MAML2: variants seen among roughly 807,000 people sequenced by gnomAD.
MAML2 encodes mastermind-like protein 2.
MAML2 carries 22 observed loss-of-function variants against 96.1 expected under a neutral mutation model. The observed-to-expected ratio is 0.23, with a 90% CI of 0.16 to 0.33. The LOEUF (loss-of-function observed/expected upper bound fraction) is 0.33, where lower values mean the gene tolerates loss of function less well. Ranked by LOEUF, MAML2 falls within the 10% of genes least tolerant of loss-of-function variation. The pLI is 1.00. For synonymous variants in MAML2, 561 were observed against 521.3 expected, an observed-to-expected ratio of 1.08 and a Z score of -1.04; for missense variants, 1,367 against 1,392.4, an observed-to-expected ratio of 0.98 and a Z score of 0.29.
At chr11:96,188,344 C>T (rs991538094) in intron 1 of MAML2, among the ~76,000 whole-genome samples, 1 of 152,194 alleles carries the variant, frequency 6.6e-6, no homozygotes, top group Non-Finnish European at 1.5e-5. Context: ...GGAAAGCCAA[C>T]ACATCTCTCT....
At chr11:96,221,178 A>C (rs1056912110) in intron 1 of MAML2, among the ~76,000 whole-genome samples, 2 of 152,202 alleles carry the variant, frequency 1.3e-5, no homozygotes, top group African/African-American at 4.8e-5. Flanking sequence ...CAGTGACATA[A>C]ACTGGAAGTT....
intron 2 of MAML2, among the ~76,000 whole-genome samples, chr11:96,049,954 TAAG>T (rs1396226419): frequency 6.6e-6 from 1 of 152,200 alleles, no homozygotes; most frequent in African/African-American, 2.4e-5. Flanking sequence ...GCTACTCACT[TAAG>T]TAGATCAAAC....
intron 1 of MAML2, among the ~76,000 whole-genome samples, chr11:96,166,169 TCTCTCTCTCA>T (rs1275792771): frequency 7.7e-5 from 9 of 116,884 alleles, no homozygotes; most frequent in Non-Finnish European, 1.1e-4. Context: ...TCTCTCTCTC[TCTCTCTCTCA>T]CACACACACA....
rs755510000 is a variant in MAML2, at chr11:96,041,320, CT to C, written c.2140-49598del. ...AGCCTGGCCAACATAGTGAAACCCCCTCTCTACTAAAAATACAAAAAAAAAA... is the reference window on the plus strand; with the variant it reads ...AGCCTGGCCAACATAGTGAAACCCCCCTCTACTAAAAATACAAAAAAAAAA... On this transcript the variant is annotated intron_variant, in intron 2 of 4. Transcript: ENST00000524717. 4.1e-5 allele frequency among the ~76,000 whole-genome samples: 6 copies of C among 147,048 alleles called. No homozygotes were observed. In the South Asian group the frequency reaches 1.3e-3, roughly 32 times the overall value.
intron 1 of MAML2, among the ~76,000 whole-genome samples, chr11:96,297,092 C>T (rs1385935603): frequency 6.6e-6 from 1 of 152,084 alleles, no homozygotes; most frequent in Non-Finnish European, 1.5e-5. Flanking sequence ...TCATTGACCT[C>T]AATGACCACT....
At chr11:95,994,248 T>C (rs1203783336) in intron 2 of MAML2, among the ~76,000 whole-genome samples, 1 of 152,082 alleles carries the variant, frequency 6.6e-6, no homozygotes, top group African/African-American at 2.4e-5. Context: ...CACTAGTTAG[T>C]AAAAAATAAT....
chr11:96,297,540 A>G (rs1228963657), intron 1 of MAML2, among the ~76,000 whole-genome samples: 1 of 152,192 alleles, frequency 6.6e-6, no homozygotes, highest in Non-Finnish European at 1.5e-5. Flanking sequence ...ACGCCACTGC[A>G]CTATAGCCTG....
intron 1 of MAML2, among the ~76,000 whole-genome samples, chr11:96,337,038 T>G (rs1049641304): frequency 1.3e-5 from 2 of 152,220 alleles, no homozygotes; most frequent in Non-Finnish European, 2.9e-5. Context: ...TTGTAAAGTA[T>G]TATACTAACT....
At chr11:96,289,369 G>A (rs1232082234) in intron 1 of MAML2, among the ~76,000 whole-genome samples, 2 of 152,132 alleles carry the variant, frequency 1.3e-5, no homozygotes, top group East Asian at 1.9e-4. Context: ...TATTGTCAAG[G>A]AACAGATCCT....
At chr11:96,305,515 T>TA (rs1330888658) in intron 1 of MAML2, among the ~76,000 whole-genome samples, 7 of 152,288 alleles carry the variant, frequency 4.6e-5, no homozygotes, top group Admixed American at 2.0e-4. Context: ...TACACTGCTC[T>TA]AAAAAATAAA....
At chr11:96,076,519 A>C (rs986427953) in intron 2 of MAML2, among the ~76,000 whole-genome samples, 2 of 150,372 alleles carry the variant, frequency 1.3e-5, no homozygotes, top group Admixed American at 1.3e-4. Flanking sequence ...AACTTCCTCC[A>C]CTCGGATGGG....
intron 1 of MAML2, among the ~76,000 whole-genome samples, chr11:96,195,508 A>T (rs551231653): frequency 1.3e-5 from 2 of 152,374 alleles, no homozygotes; most frequent in South Asian, 2.1e-4. Flanking sequence ...TCAAAAACTC[A>T]GAAAACTAAA....
intron 1 of MAML2, among the ~76,000 whole-genome samples, chr11:96,100,485 T>C (rs1234713927): frequency 1.3e-5 from 2 of 151,944 alleles, no homozygotes; most frequent in African/African-American, 4.8e-5. Flanking sequence ...AATTTTTGTA[T>C]TTTTAGTAGA....
At chr11:96,167,412 G>C (rs1467130347) in intron 1 of MAML2, among the ~76,000 whole-genome samples, 1 of 152,142 alleles carries the variant, frequency 6.6e-6, no homozygotes, top group South Asian at 2.1e-4. Flanking sequence ...GCCCCCAGAG[G>C]TGTCTTCCCA....
At chr11:96,239,966 A>T (rs2016616790) in intron 1 of MAML2, among the ~76,000 whole-genome samples, 1 of 152,204 alleles carries the variant, frequency 6.6e-6, no homozygotes, top group Admixed American at 6.5e-5. Flanking sequence ...GGCTGTAGAG[A>T]TCATTGAGAT....
chr11:95,983,506 A>G (rs1857775126), intron 4 of MAML2, among the ~76,000 whole-genome samples: 1 of 152,170 alleles, frequency 6.6e-6, no homozygotes, highest in South Asian at 2.1e-4. Context: ...TAGGATGACT[A>G]TAGTTAAGGA....
chr11:96,060,924 T>G (rs1859148835), intron 2 of MAML2, among the ~76,000 whole-genome samples: 1 of 152,226 alleles, frequency 6.6e-6, no homozygotes, highest in Non-Finnish European at 1.5e-5. Flanking sequence ...AAAGAAGCAT[T>G]CTTCCATGTC....
intron 1 of MAML2, among the ~76,000 whole-genome samples, chr11:96,130,717 T>C (rs1860533520): frequency 6.6e-6 from 1 of 152,166 alleles, no homozygotes; most frequent in Non-Finnish European, 1.5e-5. Context: ...CCTTCAGTCT[T>C]TGCCTTAACT....
At chr11:96,220,676 A>AT (rs1862123437) in intron 1 of MAML2, among the ~76,000 whole-genome samples, 1 of 152,042 alleles carries the variant, frequency 6.6e-6, no homozygotes. Flanking sequence ...TTAACATTTT[A>AT]TTTCTGGTTG....
Sources: gnomAD v4.1 joint callset for allele counts (sites outside exome capture counted in the v4.1 genomes callset) on GRCh38, gnomAD v4.1.1 for gene constraint, MANE v1.5 for transcripts, NCBI Gene and HGNC (gene_info 2026-07-23, HGNC 2026-07-21) for gene names.